TMEM74: variants seen among roughly 807,000 people sequenced by gnomAD.
The protein encoded by TMEM74 is transmembrane protein 74.
Under a neutral mutation model 18.1 loss-of-function variants are expected in TMEM74, and 13 were observed. That is an observed-to-expected ratio of 0.72 (90% CI 0.47 to 1.14). TMEM74 has a LOEUF of 1.14. Among genes scored for constraint, TMEM74 ranks in the 50% most tolerant of loss-of-function variants. TMEM74 has a pLI of 0.00. For missense variants in TMEM74, 372 were observed against 375.9 expected, an observed-to-expected ratio of 0.99 and a Z score of 0.09; for synonymous variants, 159 against 146.6, an observed-to-expected ratio of 1.08 and a Z score of -0.61.
At chr8:108,727,113 G>A (rs1222122025) in intron 1 of TMEM74, among the ~76,000 whole-genome samples, 1 of 152,122 alleles carries the variant, frequency 6.6e-6, no homozygotes, top group East Asian at 1.9e-4. Flanking sequence ...GAGCAAGAAG[G>A]ATCATCCAAG....
chr8:108,717,683 G>A (rs1813539662), intron 1 of TMEM74, among the ~76,000 whole-genome samples: 1 of 152,122 alleles, frequency 6.6e-6, no homozygotes, highest in African/African-American at 2.4e-5. Context: ...GACTAGAAGG[G>A]GCGAGGGAAT....
In TMEM74 at chr8:108,780,321, T is replaced by G. The variant is rs548774201; in HGVS notation, c.*3860A>C. Among the ~76,000 whole-genome samples, 1 of 152,298 alleles carries G rather than the reference T, an allele frequency of 6.6e-6. No homozygotes were observed. Among genetic ancestry groups the G allele is most frequent in the East Asian group, 1.9e-4 (1 of 5,184 alleles). ...CTTGACAATTAATCCAAGTAAAATT[T>G]TGCATACACCTATCATTGCACACGT... On this transcript the variant is annotated 3_prime_UTR_variant, in exon 2 of 2. Coordinates refer to ENST00000297459, the MANE Select transcript of TMEM74 (RefSeq NM_153015.3).
At chr8:108,696,323 C>T (rs1205910417) in intron 1 of TMEM74, among the ~76,000 whole-genome samples, 1 of 152,094 alleles carries the variant, frequency 6.6e-6, no homozygotes, top group Non-Finnish European at 1.5e-5. Context: ...TTCTATATTG[C>T]AAATGAAAAA....
At position 108,723,686 on chromosome 8, in the gene TMEM74, A is replaced by G. The variant is rs181216795; in HGVS notation, n.119+63790T>C. Among the ~76,000 whole-genome samples the G allele has an allele frequency of 4.5e-3, 688 of 152,310 alleles. 5 individuals are homozygous for G. Among genetic ancestry groups the G allele is most frequent in the Non-Finnish European group, 7.4e-3 (504 of 68,022 alleles). On this transcript the variant is annotated intron_variant and non_coding_transcript_variant, in intron 1 of 3. Coordinates refer to the TMEM74 transcript ENST00000518838. ...GAAGCCCTAAATTTATTTTCAGCGT[A>G]TTGAAAAAATGAAAACATAAAACCA...
At chr8:108,756,615 G>GA (rs1563543658) in intron 1 of TMEM74, among the ~76,000 whole-genome samples, 7 of 75,698 alleles carry the variant, frequency 9.2e-5, no homozygotes, top group African/African-American at 3.7e-4. Context: ...AGGAAGGAAG[G>GA]AAGGAAGGAA....
At chr8:108,746,542 A>C (rs1041015193) in intron 1 of TMEM74, among the ~76,000 whole-genome samples, 11 of 152,122 alleles carry the variant, frequency 7.2e-5, no homozygotes, top group Non-Finnish European at 1.5e-4. Flanking sequence ...TAATAAAAAT[A>C]TATATTTGGT....
intron 1 of TMEM74, among the ~76,000 whole-genome samples, chr8:108,709,282 C>T (rs1813451308): frequency 6.6e-6 from 1 of 152,136 alleles, no homozygotes; most frequent in Non-Finnish European, 1.5e-5. Context: ...CAATCTAAGT[C>T]TCTATCAACA....
intron 1 of TMEM74, among the ~76,000 whole-genome samples, chr8:108,758,739 T>A (rs997215054): frequency 2.0e-5 from 3 of 152,072 alleles, no homozygotes; most frequent in African/African-American, 7.2e-5. Flanking sequence ...TATCATATTG[T>A]TTATAACAGT....
chr8:108,738,021 C>T (rs977196062), intron 1 of TMEM74, among the ~76,000 whole-genome samples: 1 of 152,122 alleles, frequency 6.6e-6, no homozygotes. Flanking sequence ...CTGGTTTTTA[C>T]TATCTCTTTA....
chr8:108,725,478 T>C (rs1813627986), intron 1 of TMEM74, among the ~76,000 whole-genome samples: 2 of 152,310 alleles, frequency 1.3e-5, no homozygotes, highest in South Asian at 4.1e-4. Flanking sequence ...CCCCTAATAT[T>C]CTTTTAAATT....
intron 2 of TMEM74, among the ~76,000 whole-genome samples, chr8:108,629,118 C>T (rs1812525167): frequency 6.6e-6 from 1 of 151,842 alleles, no homozygotes; most frequent in Admixed American, 6.6e-5. Context: ...ACTAGAATAA[C>T]CAGTTTAGAG....
chr8:108,692,458 A>G (rs1207012611), intron 1 of TMEM74, among the ~76,000 whole-genome samples: 1 of 152,074 alleles, frequency 6.6e-6, no homozygotes, highest in Non-Finnish European at 1.5e-5. Flanking sequence ...ACCACCCCTT[A>G]CTGGCATTCC....
At chr8:108,739,546 A>G (rs990379407) in intron 1 of TMEM74, among the ~76,000 whole-genome samples, 11 of 152,170 alleles carry the variant, frequency 7.2e-5, no homozygotes, top group African/African-American at 2.7e-4. Flanking sequence ...CATTTATTGC[A>G]GTGTAATAAA....
chr8:108,786,983 A>G (rs1814393376), intron 1 of TMEM74, among the ~76,000 whole-genome samples: 1 of 152,058 alleles, frequency 6.6e-6, no homozygotes, highest in Non-Finnish European at 1.5e-5. Context: ...CAGCTCCCTA[A>G]TCCGGGGTTT....
At chr8:108,639,449 A>T (rs985937488) in intron 2 of TMEM74, among the ~76,000 whole-genome samples, 12 of 152,094 alleles carry the variant, frequency 7.9e-5, no homozygotes, top group African/African-American at 2.9e-4. Flanking sequence ...ACACACACAC[A>T]TTACATATAT....
intron 1 of TMEM74, among the ~76,000 whole-genome samples, chr8:108,681,146 C>G (rs1473014009): frequency 3.3e-5 from 5 of 152,156 alleles, no homozygotes; most frequent in Admixed American, 1.3e-4. Flanking sequence ...TGACTTTCTT[C>G]ACAGAATTGG....
At chr8:108,698,523 A>G (rs1487333178) in intron 1 of TMEM74, among the ~76,000 whole-genome samples, 1 of 152,234 alleles carries the variant, frequency 6.6e-6, no homozygotes, top group Non-Finnish European at 1.5e-5. Context: ...TGCTTAGGAC[A>G]GTGGATGGCA....
chr8:108,706,552 A>C (rs1244415801), intron 1 of TMEM74, among the ~76,000 whole-genome samples: 1 of 152,230 alleles, frequency 6.6e-6, no homozygotes, highest in Non-Finnish European at 1.5e-5. Flanking sequence ...GGTGGGAATC[A>C]TTGACCCTTA....
rs138772160 is a variant in TMEM74, at chr8:108,759,093, G to A, written n.119+28383C>T. On this transcript the variant is annotated intron_variant and non_coding_transcript_variant, in intron 1 of 3. Transcript: ENST00000518838. ...TAAAATCCATGTATTAGAAGTAACA[G>A]TATTAAAAATTGTGGGAATAATAAA... 3.7e-3 allele frequency among the ~76,000 whole-genome samples: 563 copies of A among 152,126 alleles called. 3 individuals carry two copies. The highest frequency in any genetic ancestry group is 0.013 in the African/African-American group (538 of 41,540).
Sources: gnomAD v4.1 joint callset for allele counts (sites outside exome capture counted in the v4.1 genomes callset) on GRCh38, gnomAD v4.1.1 for gene constraint, MANE v1.5 for transcripts, NCBI Gene and HGNC (gene_info 2026-07-23, HGNC 2026-07-21) for gene names.